The following GRID1 variants were observed in gnomAD, a reference collection of about 807,000 sequenced individuals.
The protein encoded by GRID1 is glutamate receptor ionotropic, delta-1.
GRID1 carries 28 observed loss-of-function variants against 98.0 expected under a neutral mutation model. That is an observed-to-expected ratio of 0.29 (90% CI 0.21 to 0.39). The LOEUF (loss-of-function observed/expected upper bound fraction) is 0.39. Among genes scored for constraint, GRID1 ranks in the 10% least tolerant of loss-of-function variants. The pLI is 1.00. For synonymous variants in GRID1, 553 were observed against 538.5 expected, an observed-to-expected ratio of 1.03 and a Z score of -0.37; for missense variants, 1,111 against 1,340.5, an observed-to-expected ratio of 0.83 and a Z score of 2.67.
At chr10:86,133,549 CA>C (rs757742795) in intron 4 of GRID1, among the ~76,000 whole-genome samples, 1 of 152,238 alleles carries the variant, frequency 6.6e-6, no homozygotes, top group African/African-American at 2.4e-5. Flanking sequence ...TCCCACTAGC[CA>C]AAGTTTTCAG....
rs773807000 is a variant in GRID1 at position 85,665,904 on chromosome 10, C to T, written c.1998-18507G>A. On this transcript the variant is annotated intron_variant, in intron 12 of 15. Coordinates refer to ENST00000327946, the MANE Select transcript of GRID1 (RefSeq NM_017551.3). ...CCAAGCTGTCTCGGGAAGGGAGGCA[C>T]GTTGCCAGGCAAGATCAGCATAATT... is the stretch of plus-strand genomic sequence containing the variant. Among the ~76,000 whole-genome samples the T allele has an allele frequency of 6.6e-5, 10 of 151,998 alleles. No individual in the cohort carries two copies. In the South Asian group the frequency reaches 1.7e-3, roughly 25 times the overall value.
At chr10:86,043,910 A>T (rs1305130310) in intron 4 of GRID1, among the ~76,000 whole-genome samples, 1 of 152,232 alleles carries the variant, frequency 6.6e-6, no homozygotes, top group East Asian at 1.9e-4. Context: ...AGTGATGATT[A>T]ATGCATGCCA....
chr10:86,137,082 T>C (rs1390685560), intron 4 of GRID1, among the ~76,000 whole-genome samples: 2 of 152,154 alleles, frequency 1.3e-5, no homozygotes, highest in African/African-American at 2.4e-5. Flanking sequence ...AATCCACCAC[T>C]GCAGGCGTTT....
rs148803323 is a variant in GRID1 at position 86,331,162 on chromosome 10, C to T, written c.235+32779G>A. On this transcript the variant is annotated intron_variant, in intron 2 of 15. Coordinates refer to ENST00000327946, the MANE Select transcript of GRID1 (RefSeq NM_017551.3). ...AGAGCTGCTGGCTTGGCCTGGCCCACGGGATGTGTTGCTAATTCCACCTTT... is the reference window on the plus strand; with the variant it reads ...AGAGCTGCTGGCTTGGCCTGGCCCATGGGATGTGTTGCTAATTCCACCTTT... Among the ~76,000 whole-genome samples, 160 of 152,350 alleles carry T rather than the reference C, an allele frequency of 1.1e-3. No individual in the cohort carries two copies. In the South Asian group the frequency reaches 0.013, roughly 12 times the overall value.
intron 2 of GRID1, among the ~76,000 whole-genome samples, chr10:86,344,203 T>C (rs1037943866): frequency 1.3e-5 from 2 of 152,308 alleles, no homozygotes; most frequent in African/African-American, 4.8e-5. Context: ...TCAAGAGACA[T>C]GTGGGCAGGG....
At chr10:85,864,280 C>T (rs1308966841) in intron 6 of GRID1, among the ~76,000 whole-genome samples, 1 of 152,208 alleles carries the variant, frequency 6.6e-6, no homozygotes, top group African/African-American at 2.4e-5. Context: ...GTCCAGCTGT[C>T]CTGGGAGAGG....
intron 8 of GRID1, among the ~76,000 whole-genome samples, chr10:85,790,933 G>A (rs1842472883): frequency 6.6e-6 from 1 of 152,130 alleles, no homozygotes; most frequent in African/African-American, 2.4e-5. Context: ...AAACTTGCTG[G>A]GATTTGGTTC....
At position 85,770,659 on chromosome 10, in the gene GRID1, C is replaced by T. The variant is rs568056634; in HGVS notation, c.1234-41045G>A. Among the ~76,000 whole-genome samples the T allele has an allele frequency of 6.6e-5, 10 of 152,208 alleles. No individual in the cohort carries two copies. The East Asian group carries it at 1.4e-3, about 21-fold the overall frequency. ...ACTGATGGAGCTGAAAGCCAAGGCTCGAGAACTACGTGAAGAATGCAGAAG... is the reference window on the plus strand; with the variant it reads ...ACTGATGGAGCTGAAAGCCAAGGCTTGAGAACTACGTGAAGAATGCAGAAG... On this transcript the variant is annotated intron_variant, in intron 8 of 15. Transcript: ENST00000327946.
At chr10:85,915,671 CAA>C in intron 5 of GRID1, among the ~76,000 whole-genome samples, 1 of 151,870 alleles carries the variant, frequency 6.6e-6, no homozygotes, top group Admixed American at 6.6e-5. Flanking sequence ...AACTCATACA[CAA>C]ACACACATAC....
chr10:85,880,074 A>G (rs1316223044), intron 5 of GRID1, among the ~76,000 whole-genome samples: 2 of 152,252 alleles, frequency 1.3e-5, no homozygotes, highest in African/African-American at 4.8e-5. Context: ...TAAACCAGGA[A>G]GAAGTTGAAT....
At chr10:86,090,659 C>CTG (rs1844132726) in intron 4 of GRID1, among the ~76,000 whole-genome samples, 1 of 152,186 alleles carries the variant, frequency 6.6e-6, no homozygotes, top group Non-Finnish European at 1.5e-5. Flanking sequence ...CAGGTCAAGA[C>CTG]TGCAGGTCTA....
chr10:85,792,572 G>A (rs889053015), intron 8 of GRID1, among the ~76,000 whole-genome samples: 4 of 152,170 alleles, frequency 2.6e-5, no homozygotes, highest in Non-Finnish European at 5.9e-5. Context: ...GAGAGGTGCC[G>A]AAGGCCTCAG....
chr10:85,869,874 T>A (rs1843259813), intron 5 of GRID1, among the ~76,000 whole-genome samples: 1 of 152,202 alleles, frequency 6.6e-6, no homozygotes, highest in South Asian at 2.1e-4. Context: ...TCACATTAGC[T>A]TATTTAGTGC....
intron 4 of GRID1, among the ~76,000 whole-genome samples, chr10:85,921,110 C>G (rs1301904565): frequency 6.6e-6 from 1 of 152,204 alleles, no homozygotes; most frequent in Non-Finnish European, 1.5e-5. Context: ...CTCTTCTAGC[C>G]CCTTTTGAAT....
At chr10:85,657,241 A>T (rs544238961) in intron 12 of GRID1, among the ~76,000 whole-genome samples, 2 of 152,314 alleles carry the variant, frequency 1.3e-5, no homozygotes, top group South Asian at 4.1e-4. Flanking sequence ...ACAAAAAAAA[A>T]TCACAACTTG....
At chr10:86,203,764 C>T (rs990164516) in intron 3 of GRID1, among the ~76,000 whole-genome samples, 4 of 151,948 alleles carry the variant, frequency 2.6e-5, no homozygotes, top group African/African-American at 9.7e-5. Context: ...TGGGGTTCTC[C>T]GCTCACCTCC....
intron 12 of GRID1, among the ~76,000 whole-genome samples, chr10:85,714,894 G>A (rs554797969): frequency 7.5e-4 from 114 of 152,096 alleles, no homozygotes; most frequent in Non-Finnish European, 1.2e-3. Flanking sequence ...AAAAAAAATC[G>A]TAAAATTCCT....
At chr10:86,238,782 AAAGTGT>A (rs1180068811) in intron 2 of GRID1, among the ~76,000 whole-genome samples, 1 of 152,136 alleles carries the variant, frequency 6.6e-6, no homozygotes, top group Non-Finnish European at 1.5e-5. Context: ...GCAGGTGTGC[AAAGTGT>A]GCGAGTTGAG....
chr10:85,877,227 T>A (rs1472298435), intron 5 of GRID1, among the ~76,000 whole-genome samples: 3 of 152,146 alleles, frequency 2.0e-5, no homozygotes, highest in African/African-American at 7.2e-5. Context: ...AACTTAAATG[T>A]CCCTGTTTGA....
Sources: gnomAD v4.1 joint callset for allele counts (sites outside exome capture counted in the v4.1 genomes callset) on GRCh38, gnomAD v4.1.1 for gene constraint, MANE v1.5 for transcripts, NCBI Gene and HGNC (gene_info 2026-07-23, HGNC 2026-07-21) for gene names.